RCBTB1: variants seen among roughly 807,000 people sequenced by gnomAD.
RCBTB1 encodes RCC1 and BTB domain containing protein 1.
Under a neutral mutation model 62.4 loss-of-function variants are expected in RCBTB1, and 46 were observed. That is an observed-to-expected ratio of 0.74 (90% CI 0.58 to 0.94). The LOEUF is 0.94. RCBTB1 is among the 40% of genes least tolerant of loss of function. RCBTB1 has a pLI of 0.00. For missense variants in RCBTB1, 565 were observed against 654.9 expected, an observed-to-expected ratio of 0.86 and a Z score of 1.50; for synonymous variants, 222 against 245.8, an observed-to-expected ratio of 0.90 and a Z score of 0.91.
At chr13:49,543,325 A>G (rs1960534791) in intron 10 of RCBTB1, among the ~76,000 whole-genome samples, 1 of 152,192 alleles carries the variant, frequency 6.6e-6, no homozygotes, top group African/African-American at 2.4e-5. Flanking sequence ...TACATAAAAA[A>G]TTACCTGAGA....
chr13:49,562,428 G>C (rs535445464), intron 4 of RCBTB1, among the ~76,000 whole-genome samples: 1 of 150,428 alleles, frequency 6.6e-6, no homozygotes, highest in Non-Finnish European at 1.5e-5. Context: ...GGAGGTTACA[G>C]GTGTGAACCA....
rs954802578 is a variant in RCBTB1 at position 49,533,965 on chromosome 13, C to T, written c.*157G>A. 3 of 670,846 alleles carry T rather than the reference C, an allele frequency of 4.5e-6. No individual in the cohort carries two copies. Among genetic ancestry groups the T allele is most frequent in the Non-Finnish European group, 4.9e-6 (2 of 406,904 alleles). 41.6% of individuals were successfully genotyped at this position (670,846 alleles called of 1,614,324 possible). A position where few individuals can be genotyped will look rare whatever the true frequency, so the allele number is the denominator to read the frequency against. On this transcript the variant is annotated 3_prime_UTR_variant, in exon 13 of 13. Transcript: ENST00000378302. ...ATGGGCTCAAGAAAAGCCGTACACC[C>T]TTGTTATGTTCCTACACAAACAACT...
At chr13:49,558,576 C>G (rs7994612) in intron 5 of RCBTB1, among the ~76,000 whole-genome samples, 1 of 151,098 alleles carries the variant, frequency 6.6e-6, no homozygotes, top group African/African-American at 2.4e-5. Flanking sequence ...CGCCTGTAAT[C>G]CCAGCTACTC....
At position 49,555,529 on chromosome 13, in the gene RCBTB1, G is replaced by T. The variant is rs775372034; in HGVS notation, c.589C>A (p.Leu197Met). ...ACGQTSSMAV[L>M]DNGEVYGWGY... The stretch of plus-strand genomic sequence containing the variant: ...AGACACCTCACCTCGCCATTGTCCA[G>T]AACAGCCATGGATGAAGTCTGACCA... Residue 197 changes from leucine (L) to methionine (M), a missense_variant, in exon 6 of 13, where the codon CTG (leucine) becomes ATG (methionine). By Grantham distance (15) the Leu-to-Met change is conservative. Coordinates refer to ENST00000378302, the MANE Select transcript of RCBTB1 (RefSeq NM_018191.4). The T allele has an allele frequency of 6.2e-7, 1 of 1,613,870 alleles. No homozygotes were observed. The highest frequency in any genetic ancestry group is 8.5e-7 in the Non-Finnish European group (1 of 1,179,752).
chr13:49,564,840 G>C (rs988916966), intron 4 of RCBTB1, among the ~76,000 whole-genome samples: 2 of 151,684 alleles, frequency 1.3e-5, no homozygotes, highest in Non-Finnish European at 1.5e-5. Flanking sequence ...GCAGTGAGCC[G>C]AGATTGCACC....
chr13:49,553,151 C>T (rs1961526754), intron 6 of RCBTB1, among the ~76,000 whole-genome samples: 1 of 152,126 alleles, frequency 6.6e-6, no homozygotes. Flanking sequence ...TACCGTACTC[C>T]AGCCTGGCAA....
intron 2 of RCBTB1, among the ~76,000 whole-genome samples, chr13:49,569,954 C>T (rs1394995135): frequency 2.0e-5 from 3 of 152,016 alleles, no homozygotes; most frequent in Admixed American, 6.6e-5. Flanking sequence ...GCCCCTCAAA[C>T]GACCTCTTGT....
In RCBTB1 at chr13:49,542,240, AACT is replaced by A. The variant is rs949400698; in HGVS notation, c.1173-416_1173-414del. Among the ~76,000 whole-genome samples, 19 of 151,896 alleles carry A rather than the reference AACT, an allele frequency of 1.3e-4. 1 individual carries two copies. The highest frequency in any genetic ancestry group is 4.1e-4 in the African/African-American group (17 of 41,364). On this transcript the variant is annotated intron_variant, in intron 10 of 12. Coordinates refer to ENST00000378302, the MANE Select transcript of RCBTB1 (RefSeq NM_018191.4). ...AAAAAAAAAAAAAAGTAAGTATATT[AACT>A]ACTATCTGGGCCTGAACACACCAGG...
At position 49,547,012 on chromosome 13, in the gene RCBTB1, T is replaced by C. The variant is rs1052915541; in HGVS notation, c.1046-2149A>G. On this transcript the variant is annotated intron_variant, in intron 9 of 12. Coordinates refer to ENST00000378302, the MANE Select transcript of RCBTB1 (RefSeq NM_018191.4). ...AGAATGCCTGTGCCATTTTAAGATA[T>C]AAGAACTGGGGGAAGCCTTTTATAA... 5 of 1,195,260 alleles carry C rather than the reference T, an allele frequency of 4.2e-6. No homozygotes were observed. The South Asian group carries it at 6.3e-5, about 15-fold the overall frequency. 74.0% of individuals were successfully genotyped at this position (1,195,260 alleles called of 1,614,324 possible).
In RCBTB1 at chr13:49,583,033, C is replaced by T. The variant is rs1019791283; in HGVS notation, c.-122+2411G>A. ...CTCTACAAAAAATAAAAAAATTAGT[C>T]GAATGTGGTGGTGCGCACCTGTGGT... On this transcript the variant is annotated intron_variant, in intron 1 of 12. Coordinates refer to ENST00000378302, the MANE Select transcript of RCBTB1 (RefSeq NM_018191.4). 3.3e-4 allele frequency among the ~76,000 whole-genome samples: 50 copies of T among 151,890 alleles called. 1 individual carries two copies. The highest frequency in any genetic ancestry group is 3.2e-3 in the Admixed American group (49 of 15,236).
chr13:49,560,890 G>A (rs1316090076), intron 4 of RCBTB1, among the ~76,000 whole-genome samples: 2 of 152,184 alleles, frequency 1.3e-5, no homozygotes, highest in African/African-American at 4.8e-5. Flanking sequence ...ACAGGGTAAG[G>A]TATGCGGGGA....
intron 1 of RCBTB1, among the ~76,000 whole-genome samples, chr13:49,584,568 G>C (rs1384950689): frequency 6.6e-6 from 1 of 152,000 alleles, no homozygotes; most frequent in African/African-American, 2.4e-5. Flanking sequence ...ATTCCTTCCG[G>C]CATTATATAC....
Position 49,540,960 on chromosome 13 carries a change from T to C in RCBTB1, c.1371A>G (p.Lys457=), listed in dbSNP as rs1461265720. 6.2e-7 allele frequency: 1 copy of C among 1,613,374 alleles called. No homozygotes were observed. The highest frequency in any genetic ancestry group is 8.5e-7 in the Non-Finnish European group (1 of 1,179,982). Residue 457 remains lysine, a synonymous_variant, in exon 12 of 13, where the codon AAA becomes AAG. Transcript: ENST00000378302. ...CTCTCTTGATAATGTGCTGACAAAG[T>C]TTTTTCAGTCTGTTTTCACAGTAAG... ...ATSYCENRLK[K]LCQHIIKRGI...
At chr13:49,551,574 C>A in intron 7 of RCBTB1, 106 bp from the exon 8 acceptor site, 1 of 1,239,214 alleles carries the variant, frequency 8.1e-7, no homozygotes, top group Admixed American at 2.4e-5. Flanking sequence ...AAATCATCAT[C>A]AGGGGTGGAC....
chr13:49,534,074 C>T lies in RCBTB1; in HGVS notation c.*48G>A, dbSNP rs1397070185. On this transcript the variant is annotated 3_prime_UTR_variant, in exon 13 of 13. Coordinates refer to ENST00000378302, the MANE Select transcript of RCBTB1 (RefSeq NM_018191.4). Reference sequence around the variant, plus strand: ...CCGTAGAGCACAAACTGGACACATCCTCAACAGTGCCCCAGAGCACTCACA... The same window carrying T: ...CCGTAGAGCACAAACTGGACACATCTTCAACAGTGCCCCAGAGCACTCACA... 8 of 1,586,906 alleles carry T rather than the reference C, an allele frequency of 5.0e-6. No individual in the cohort carries two copies. The South Asian group carries it at 6.8e-5, about 14-fold the overall frequency.
rs772480683 is a variant in RCBTB1 at position 49,566,687 on chromosome 13, C to T, written c.208G>A (p.Gly70Ser). The T allele has an allele frequency of 1.2e-6, 2 of 1,614,010 alleles. No homozygotes were observed. Among genetic ancestry groups the T allele is most frequent in the African/African-American group, 2.7e-5 (2 of 74,900 alleles). The change falls in exon 4 of 13, where the codon GGC (glycine) becomes AGC (serine). Residue 70 changes from glycine (G) to serine (S), a missense_variant. Coordinates refer to ENST00000378302, the MANE Select transcript of RCBTB1 (RefSeq NM_018191.4). Reference sequence around the variant, plus strand: ...CTTTTAATCTTCTTTCCACATAAGCCTTCTAGCTTTTTGGGTACAAGTGTA... The same window carrying T: ...CTTTTAATCTTCTTTCCACATAAGCTTTCTAGCTTTTTGGGTACAAGTGTA... ...QSTLVPKKLEGLCGKKIKSLS... is the reference protein window; with the variant it reads ...QSTLVPKKLESLCGKKIKSLS...
chr13:49,571,354 A>G (rs962342845), intron 2 of RCBTB1, among the ~76,000 whole-genome samples: 2 of 152,174 alleles, frequency 1.3e-5, no homozygotes, highest in African/African-American at 4.8e-5. Context: ...CTCAAAAAAA[A>G]AAGAAGTATC....
chr13:49,566,223 T>TA (rs1428288471), intron 4 of RCBTB1, among the ~76,000 whole-genome samples: 1 of 147,086 alleles, frequency 6.8e-6, no homozygotes, highest in Non-Finnish European at 1.5e-5. Context: ...CCCTGCCAAA[T>TA]CCCCCTATGC....
chr13:49,583,386 A>ATGTG lies in RCBTB1; in HGVS notation c.-122+2054_-122+2057dup, dbSNP rs6145049. 3.5e-4 allele frequency among the ~76,000 whole-genome samples: 52 copies of ATGTG among 149,938 alleles called. 1 individual carries two copies. The highest frequency in any genetic ancestry group is 1.8e-3 in the East Asian group (9 of 5,090). On this transcript the variant is annotated intron_variant, in intron 1 of 12. Coordinates refer to ENST00000378302, the MANE Select transcript of RCBTB1 (RefSeq NM_018191.4). ...CCAGGAAAGAAGTGTGCTTTTGTGTATGTGTGTGTGTGTGTGTGTGTGTGT... is the reference window on the plus strand; with the variant it reads ...CCAGGAAAGAAGTGTGCTTTTGTGTATGTGTGTGTGTGTGTGTGTGTGTGTGTGT...
Sources: allele counts gnomAD v4.1 joint callset (sites outside exome capture counted in the v4.1 genomes callset), GRCh38; gene constraint gnomAD v4.1.1; transcripts MANE v1.5; gene names NCBI Gene and HGNC (gene_info 2026-07-23, HGNC 2026-07-21).